CCL18: variants seen among roughly 807,000 people sequenced by gnomAD.
CCL18 encodes the protein C-C motif chemokine 18.
A neutral mutation model predicts 8.0 loss-of-function variants in CCL18; 7 were observed. That is an observed-to-expected ratio of 0.87 (90% CI 0.50 to 1.64). The LOEUF is 1.64. Ranked by LOEUF, CCL18 falls within the 40% of genes most tolerant of loss-of-function variation. CCL18 has a pLI of 0.00. For synonymous variants in CCL18, 35 were observed against 41.3 expected, an observed-to-expected ratio of 0.85 and a Z score of 0.59; for missense variants, 95 against 107.8, an observed-to-expected ratio of 0.88 and a Z score of 0.52.
intron 1 of CCL18, among the ~76,000 whole-genome samples, chr17:36,066,162 G>A (rs1598791138): frequency 6.6e-6 from 1 of 152,182 alleles, no homozygotes; most frequent in Non-Finnish European, 1.5e-5. Context: ...AACCTTTTGT[G>A]AAGTTCTTTG....
rs2066825315 is a variant in CCL18 at position 36,064,281 on chromosome 17, C to G, written c.-62C>G. Reference sequence around the variant, plus strand: ...CAACAGCTCATACCCCAGAAGGAGGCCAGGAGTTGTGAGTTTCCAAGCCCC... The same window carrying G: ...CAACAGCTCATACCCCAGAAGGAGGGCAGGAGTTGTGAGTTTCCAAGCCCC... On this transcript the variant is annotated 5_prime_UTR_variant, in exon 1 of 3. Transcript: ENST00000616054. 2 of 1,267,010 alleles carry G rather than the reference C, an allele frequency of 1.6e-6. No individual in the cohort carries two copies. Among genetic ancestry groups the G allele is most frequent in the Admixed American group, 1.7e-5 (1 of 59,532 alleles). 78.5% of individuals were successfully genotyped at this position (1,267,010 alleles called of 1,614,324 possible). A position where few individuals can be genotyped will look rare whatever the true frequency, so the allele number is the denominator to read the frequency against.
intron 1 of CCL18, among the ~76,000 whole-genome samples, chr17:36,066,183 G>C (rs1022263055): frequency 1.3e-5 from 2 of 152,180 alleles, no homozygotes; most frequent in African/African-American, 4.8e-5. Flanking sequence ...ATTTTACTTA[G>C]AGAATCTTAA....
intron 1 of CCL18, among the ~76,000 whole-genome samples, chr17:36,067,525 A>G (rs959411900): frequency 2.0e-5 from 3 of 152,098 alleles, no homozygotes; most frequent in Non-Finnish European, 4.4e-5. Context: ...CATCTTCACT[A>G]AAAATACAAA....
intron 1 of CCL18, among the ~76,000 whole-genome samples, chr17:36,066,049 T>C (rs996569296): frequency 4.6e-5 from 7 of 152,192 alleles, no homozygotes; most frequent in Non-Finnish European, 7.4e-5. Flanking sequence ...ATGACTGAGT[T>C]AGGCCCCAGT....
intron 1 of CCL18, among the ~76,000 whole-genome samples, chr17:36,066,626 G>A (rs554704280): frequency 6.6e-6 from 1 of 152,342 alleles, no homozygotes; most frequent in African/African-American, 2.4e-5. Context: ...GGCTGAATGT[G>A]CAGAAATGTT....
chr17:36,067,601 C>T (rs920173476), intron 1 of CCL18, among the ~76,000 whole-genome samples: 5 of 152,026 alleles, frequency 3.3e-5, no homozygotes, highest in Admixed American at 6.6e-5. Context: ...GTAGGAGAAT[C>T]GCTTGAACCT....
intron 1 of CCL18, among the ~76,000 whole-genome samples, chr17:36,066,748 C>T (rs1014699423): frequency 7.9e-5 from 12 of 152,224 alleles, no homozygotes; most frequent in Non-Finnish European, 1.5e-4. Context: ...GCTGCAGCTC[C>T]TCTGACCACA....
chr17:36,069,694 C>T (rs1024064319), intron 1 of CCL18, among the ~76,000 whole-genome samples: 1 of 152,200 alleles, frequency 6.6e-6, no homozygotes, highest in Non-Finnish European at 1.5e-5. Context: ...CAGAAGGAGG[C>T]AGCGGCTACA....
At chr17:36,067,695 G>C (rs2066844711) in intron 1 of CCL18, among the ~76,000 whole-genome samples, 1 of 151,862 alleles carries the variant, frequency 6.6e-6, no homozygotes, top group Admixed American at 6.6e-5. Context: ...TAAAAAAAAA[G>C]GAAAAATTGA....
chr17:36,070,937 T>G lies in CCL18; in HGVS notation c.180-14T>G. On this transcript the variant is annotated splice_polypyrimidine_tract_variant and intron_variant, in intron 2 of 2. Transcript: ENST00000616054. Reference sequence around the variant, plus strand: ...GAATTCGTCAGTTCTTAACTCTTCCTCCCTTCTCCACAGCCTCCTAACCAA... The same window carrying G: ...GAATTCGTCAGTTCTTAACTCTTCCGCCCTTCTCCACAGCCTCCTAACCAA... 2 of 1,595,640 alleles carry G rather than the reference T, an allele frequency of 1.3e-6. No homozygotes were observed. The highest frequency in any genetic ancestry group is 1.7e-6 in the Non-Finnish European group (2 of 1,163,134).
rs182954891 is a variant in CCL18 at position 36,066,468 on chromosome 17, C to G, written c.67+2059C>G. 1.6e-4 allele frequency among the ~76,000 whole-genome samples: 25 copies of G among 152,308 alleles called. No homozygotes were observed. The East Asian group carries it at 3.5e-3, about 21-fold the overall frequency. On this transcript the variant is annotated intron_variant, in intron 1 of 2. Transcript: ENST00000616054. Reference sequence around the variant, plus strand: ...TGTCCTCAACCCTTTACAGGCAACTCTAAACCATGAGGAGCTGGAGACTGG... The same window carrying G: ...TGTCCTCAACCCTTTACAGGCAACTGTAAACCATGAGGAGCTGGAGACTGG...
At chr17:36,064,659 C>T (rs750940416) in intron 1 of CCL18, among the ~76,000 whole-genome samples, 6 of 152,222 alleles carry the variant, frequency 3.9e-5, no homozygotes, top group Non-Finnish European at 5.9e-5. Flanking sequence ...GGGTTATTAG[C>T]GTGAGGTAGA....
At chr17:36,066,454 C>T (rs1388343094) in intron 1 of CCL18, among the ~76,000 whole-genome samples, 1 of 152,190 alleles carries the variant, frequency 6.6e-6, no homozygotes, top group Non-Finnish European at 1.5e-5. Flanking sequence ...GTCCTCAACC[C>T]TTTACAGGCA....
At chr17:36,067,839 A>G (rs541380551) in intron 1 of CCL18, among the ~76,000 whole-genome samples, 10 of 152,366 alleles carry the variant, frequency 6.6e-5, no homozygotes, top group Non-Finnish European at 1.2e-4. Flanking sequence ...ATGCTGCATA[A>G]CAATGCTTTG....
At chr17:36,068,952 C>T (rs372092985) in intron 1 of CCL18, among the ~76,000 whole-genome samples, 8 of 152,152 alleles carry the variant, frequency 5.3e-5, no homozygotes, top group South Asian at 2.1e-4. Context: ...CTTGACTTTC[C>T]GGGCTGAAGC....
In CCL18 at chr17:36,071,279, T is replaced by C. The variant is rs935140869; in HGVS notation, c.*238T>C. ...GTATTTTCTCTGACATCTCATGACA[T>C]TGTCTTTATCATCCTTTCCCCTTTC... On this transcript the variant is annotated 3_prime_UTR_variant, in exon 3 of 3. Coordinates refer to ENST00000616054, the MANE Select transcript of CCL18 (RefSeq NM_002988.4). 3 of 513,532 alleles carry C rather than the reference T, an allele frequency of 5.8e-6. No homozygotes were observed. In the Admixed American group the frequency reaches 1.1e-4, roughly 18 times the overall value. The allele number at this position is 513,532 out of a possible 1,614,324, so 31.8% of individuals were successfully genotyped here.
At chr17:36,070,902 T>G (rs1364060275) in intron 2 of CCL18, 49 bp from the exon 3 acceptor site, 1 of 1,332,506 alleles carries the variant, frequency 7.5e-7, no homozygotes, top group Non-Finnish European at 1.1e-6. Flanking sequence ...GGCCACAGGA[T>G]TCCCCTGATG....
At chr17:36,066,262 A>G (rs2066836424) in intron 1 of CCL18, among the ~76,000 whole-genome samples, 1 of 152,260 alleles carries the variant, frequency 6.6e-6, no homozygotes, top group Non-Finnish European at 1.5e-5. Flanking sequence ...TAAAATGAAG[A>G]AAGGACAAGG....
intron 1 of CCL18, among the ~76,000 whole-genome samples, chr17:36,069,408 G>A (rs1166068093): frequency 6.6e-6 from 1 of 152,164 alleles, no homozygotes; most frequent in African/African-American, 2.4e-5. Flanking sequence ...TTTGTGCAAT[G>A]CACAGCATGA....
Sources: allele counts gnomAD v4.1 joint callset (sites outside exome capture counted in the v4.1 genomes callset), GRCh38; gene constraint gnomAD v4.1.1; transcripts MANE v1.5; gene names NCBI Gene and HGNC (gene_info 2026-07-23, HGNC 2026-07-21).